GPHN: variants seen among roughly 807,000 people sequenced by gnomAD.
The protein encoded by GPHN is gephyrin.
GPHN carries 17 observed loss-of-function variants against 95.5 expected under a neutral mutation model. The ratio of observed to expected loss-of-function variants is 0.18; its 90% CI spans 0.12 to 0.27. GPHN has a LOEUF of 0.27. Ranked by LOEUF, GPHN falls within the 10% of genes least tolerant of loss-of-function variation. GPHN has a pLI of 1.00. For synonymous variants in GPHN, 320 were observed against 322.5 expected (o/e 0.99, Z 0.08); for missense variants, 660 against 978.1 (o/e 0.67, Z 4.34).
chr14:67,714,076 A>T, the GPHN span, among the ~76,000 whole-genome samples: 2 of 152,200 alleles, frequency 1.3e-5, no homozygotes, highest in African/African-American at 4.8e-5. Flanking sequence ...TTCCTTTCAC[A>T]GTAGCAACTA....
the GPHN span, among the ~76,000 whole-genome samples, chr14:67,254,766 G>A: frequency 1.3e-5 from 2 of 152,164 alleles, no homozygotes; most frequent in African/African-American, 4.8e-5. Flanking sequence ...ATACCAATAA[G>A]CGATCTAGGT....
intron 8 of GPHN, among the ~76,000 whole-genome samples, chr14:66,961,728 A>G (rs2068913653): frequency 6.6e-6 from 1 of 151,068 alleles, no homozygotes; most frequent in African/African-American, 2.4e-5. Context: ...TTACACACCA[A>G]CCAAATTTTT....
intron 5 of GPHN, among the ~76,000 whole-genome samples, chr14:66,884,797 T>C (rs1036830091): frequency 1.4e-5 from 2 of 145,256 alleles, no homozygotes; most frequent in African/African-American, 5.2e-5. Context: ...CACATATGTG[T>C]GTGTGTGTGT....
chr14:67,155,004 C>A (rs2081500947), intron 18 of GPHN, among the ~76,000 whole-genome samples: 1 of 151,852 alleles, frequency 6.6e-6, no homozygotes, highest in Non-Finnish European at 1.5e-5. Flanking sequence ...ATTCCTAAGC[C>A]AGGAGTGAGG....
the GPHN span, among the ~76,000 whole-genome samples, chr14:67,564,539 C>A: frequency 6.6e-6 from 1 of 152,070 alleles, no homozygotes. Flanking sequence ...CTCACTGCAA[C>A]CTCTGCCTCC....
intron 4 of GPHN, among the ~76,000 whole-genome samples, chr14:66,848,151 A>G (rs1361248894): frequency 1.3e-5 from 2 of 152,088 alleles, no homozygotes; most frequent in East Asian, 3.8e-4. Context: ...AATATTTAGT[A>G]CTTATGAAGA....
At chr14:67,337,657 G>A in the GPHN span, 1 of 152,190 alleles carries the variant, frequency 6.6e-6, no homozygotes, top group African/African-American at 2.4e-5. Context: ...GGAAATGGAT[G>A]CGAGAAAGAC....
At chr14:67,223,461 T>C in the GPHN span, among the ~76,000 whole-genome samples, 3 of 152,218 alleles carry the variant, frequency 2.0e-5, no homozygotes, top group Non-Finnish European at 4.4e-5. Flanking sequence ...AAAACCCTTT[T>C]GGTAGTTAAG....
At chr14:67,216,237 T>G in the GPHN span, among the ~76,000 whole-genome samples, 1 of 152,172 alleles carries the variant, frequency 6.6e-6, no homozygotes, top group African/African-American at 2.4e-5. Context: ...TGGATTTTGT[T>G]TTCTTGAGGA....
At chr14:67,237,834 G>A in the GPHN span, among the ~76,000 whole-genome samples, 2 of 152,150 alleles carry the variant, frequency 1.3e-5, no homozygotes, top group Non-Finnish European at 2.9e-5. Context: ...GACTCAGCAG[G>A]TGAACTGCTT....
At chr14:67,363,146 A>C in the GPHN span, among the ~76,000 whole-genome samples, 1 of 152,074 alleles carries the variant, frequency 6.6e-6, no homozygotes, top group Non-Finnish European at 1.5e-5. Flanking sequence ...GCCCAATTTG[A>C]AACTTTTTAG....
intron 10 of GPHN, among the ~76,000 whole-genome samples, chr14:67,052,650 C>T (rs1349323902): frequency 6.6e-6 from 1 of 152,194 alleles, no homozygotes; most frequent in African/African-American, 2.4e-5. Context: ...ATATATTCTT[C>T]TTTGTGCCAT....
At chr14:67,356,430 AAAACAAAAAAAAAAAAACAAAAAC>A in the GPHN span, among the ~76,000 whole-genome samples, 2 of 126,500 alleles carry the variant, frequency 1.6e-5, no homozygotes, top group South Asian at 2.5e-4. Flanking sequence ...CAAAAAAACA[AAAACAAAAAAAAAAAAACAAAAAC>A]AAACAAACAC....
At chr14:66,874,741 A>G (rs1303507032) in intron 4 of GPHN, among the ~76,000 whole-genome samples, 1 of 152,244 alleles carries the variant, frequency 6.6e-6, no homozygotes, top group African/African-American at 2.4e-5. Context: ...AGAGCCTCCA[A>G]GAAATATGGG....
chr14:67,145,471 T>C (rs1250978896), intron 18 of GPHN, among the ~76,000 whole-genome samples: 1 of 152,210 alleles, frequency 6.6e-6, no homozygotes, highest in Middle Eastern at 3.2e-3. Context: ...ACTCTCTGTA[T>C]AATAAGATAC....
intron 4 of GPHN, among the ~76,000 whole-genome samples, chr14:66,834,241 A>G (rs2061698552): frequency 6.6e-6 from 1 of 152,086 alleles, no homozygotes; most frequent in Non-Finnish European, 1.5e-5. Context: ...TTTTGCATTT[A>G]ATTTTTCTAC....
At chr14:66,657,240 C>T (rs1323837589) in intron 1 of GPHN, among the ~76,000 whole-genome samples, 3 of 152,310 alleles carry the variant, frequency 2.0e-5, no homozygotes, top group Non-Finnish European at 4.4e-5. Flanking sequence ...CCTACAAAGG[C>T]TAAGTGAGGT....
the GPHN span, chr14:67,201,754 T>C: frequency 3.0e-6 from 1 of 329,250 alleles, no homozygotes; most frequent in East Asian, 8.2e-5. Context: ...TTGGGTAAGT[T>C]ATCAATAGTG....
At chr14:67,578,556 G>T in the GPHN span, 1 of 1,611,320 alleles carries the variant, frequency 6.2e-7, no homozygotes, top group Non-Finnish European at 8.5e-7. The surrounding 1 kb of genome is among the most constrained non-coding windows in gnomAD (Gnocchi z 5.0). Flanking sequence ...CTCGCTCTGT[G>T]TGCTCCACTT....
Sources: gnomAD v4.1 joint callset for allele counts (sites outside exome capture counted in the v4.1 genomes callset) on GRCh38, gnomAD v4.1.1 for gene constraint, Gnocchi (gnomAD v3.1) non-coding constraint, MANE v1.5 for transcripts, NCBI Gene and HGNC (gene_info 2026-07-23, HGNC 2026-07-21) for gene names.